SPIDR: variants seen among roughly 807,000 people sequenced by gnomAD.
SPIDR encodes the protein scaffold protein involved in DNA repair.
In SPIDR, 93 loss-of-function variants were observed where a neutral mutation model predicts 104.6. The ratio of observed to expected loss-of-function variants is 0.89; its 90% CI spans 0.75 to 1.06. The LOEUF is 1.06. SPIDR is among the 50% of genes least tolerant of loss of function. The probability of loss-of-function intolerance (pLI) is 0.00; values close to 1 mark genes in which losing one functional copy is unlikely to be tolerated. For synonymous variants in SPIDR, 431 were observed against 416.9 expected (o/e 1.03, Z -0.41); for missense variants, 1,154 against 1,111.2 (o/e 1.04, Z -0.55).
chr8:47,427,663 G>A (rs922383836), intron 7 of SPIDR, among the ~76,000 whole-genome samples: 7 of 152,172 alleles, frequency 4.6e-5, no homozygotes, highest in Non-Finnish European at 7.4e-5. Context: ...GCAGGGGAAC[G>A]GGGAGGCTGG....
At chr8:47,527,917 A>C (rs949414526) in intron 8 of SPIDR, 2 of 152,158 alleles carry the variant, frequency 1.3e-5, no homozygotes, top group African/African-American at 2.4e-5. Flanking sequence ...TTTAAAAGCT[A>C]TCTACTTGGA....
chr8:47,494,551 A>G (rs1226408410), intron 8 of SPIDR, among the ~76,000 whole-genome samples: 2 of 152,194 alleles, frequency 1.3e-5, no homozygotes, highest in African/African-American at 4.8e-5. Context: ...TACAGGATTT[A>G]TAAATCACAA....
In SPIDR at chr8:47,569,890, G is replaced by A. The variant is rs376461449; in HGVS notation, c.1098-25921G>A. Among the ~76,000 whole-genome samples the A allele has an allele frequency of 3.8e-3, 584 of 152,214 alleles. 3 individuals carry two copies. The highest frequency in any genetic ancestry group is 0.022 in the South Asian group (107 of 4,810). On this transcript the variant is annotated intron_variant, in intron 8 of 19. Coordinates refer to ENST00000297423, the MANE Select transcript of SPIDR (RefSeq NM_001080394.4). The stretch of plus-strand genomic sequence containing the variant: ...AATTAAACCAATTTTATTTACAGTG[G>A]CACCAAAAGGAATAAAATACTTAGA...
intron 5 of SPIDR, among the ~76,000 whole-genome samples, chr8:47,302,742 G>A (rs1420836763): frequency 7.9e-5 from 12 of 152,176 alleles, no homozygotes; most frequent in South Asian, 6.2e-4. Flanking sequence ...TATCAGCAGC[G>A]GAGGCTGCAG....
intron 5 of SPIDR, among the ~76,000 whole-genome samples, chr8:47,338,470 G>T (rs1289224028): frequency 6.6e-6 from 1 of 152,164 alleles, no homozygotes; most frequent in Non-Finnish European, 1.5e-5. Context: ...ATGAACTGCA[G>T]CAGATATATG....
rs149119012 is a variant in SPIDR, at chr8:47,473,976, A to C, written c.1097+33434A>C. ...ACAGTAGGAGAGGTAGGTGGTGTTC[A>C]CCCAACAATAGTGCTTTCTTGCTAA... On this transcript the variant is annotated intron_variant, in intron 8 of 19. Coordinates refer to ENST00000297423, the MANE Select transcript of SPIDR (RefSeq NM_001080394.4). Among the ~76,000 whole-genome samples the C allele has an allele frequency of 4.9e-3, 752 of 152,258 alleles. 4 individuals are homozygous for C. The highest frequency in any genetic ancestry group is 0.023 in the South Asian group (109 of 4,828).
intron 11 of SPIDR, among the ~76,000 whole-genome samples, chr8:47,679,436 C>T (rs1329747197): frequency 1.4e-5 from 2 of 147,974 alleles, no homozygotes; most frequent in Non-Finnish European, 3.0e-5. Flanking sequence ...CCAGTGCTGG[C>T]CTGTGCCAGG....
chr8:47,604,181 G>A (rs567827228), intron 10 of SPIDR, among the ~76,000 whole-genome samples: 2 of 152,324 alleles, frequency 1.3e-5, no homozygotes, highest in East Asian at 3.9e-4. Context: ...TTAGTTTAGA[G>A]GGTTCAAAGA....
At chr8:47,405,285 A>G (rs1302496103) in intron 6 of SPIDR, among the ~76,000 whole-genome samples, 1 of 147,208 alleles carries the variant, frequency 6.8e-6, no homozygotes, top group Non-Finnish European at 1.5e-5. Flanking sequence ...GCACACCAAC[A>G]TGGCACGTGT....
intron 2 of SPIDR, among the ~76,000 whole-genome samples, chr8:47,283,491 A>G (rs2038221183): frequency 6.6e-6 from 1 of 152,244 alleles, no homozygotes; most frequent in Non-Finnish European, 1.5e-5. Context: ...TTATCAAAAT[A>G]TGACACAGAG....
intron 10 of SPIDR, among the ~76,000 whole-genome samples, chr8:47,645,097 A>G (rs1033322124): frequency 6.6e-6 from 1 of 152,184 alleles, no homozygotes; most frequent in Non-Finnish European, 1.5e-5. Flanking sequence ...GGTTTTCAGC[A>G]TGAGATACAT....
chr8:47,441,371 T>A (rs574072824), intron 8 of SPIDR, among the ~76,000 whole-genome samples: 1 of 152,348 alleles, frequency 6.6e-6, no homozygotes, highest in Non-Finnish European at 1.5e-5. Context: ...CATATTTCTC[T>A]TATATAAAAT....
At chr8:47,640,841 CTTTTTTTTTTTTTTTTTTTT>C (rs57405701) in intron 10 of SPIDR, among the ~76,000 whole-genome samples, 67 of 41,288 alleles carry the variant, frequency 1.6e-3, no homozygotes, top group African/African-American at 5.5e-3. Flanking sequence ...CCACACCCAG[CTTTTTTTTTTTTTTTTTTTT>C]TTTTTTTTTT....
At chr8:47,299,356 G>T (rs1194437047) in intron 5 of SPIDR, among the ~76,000 whole-genome samples, 1 of 152,062 alleles carries the variant, frequency 6.6e-6, no homozygotes, top group African/African-American at 2.4e-5. Flanking sequence ...TTGGGCTGAG[G>T]CAATGGGGTT....
intron 5 of SPIDR, among the ~76,000 whole-genome samples, chr8:47,339,350 T>C (rs1179491179): frequency 6.6e-6 from 1 of 152,180 alleles, no homozygotes; most frequent in African/African-American, 2.4e-5. Flanking sequence ...CCTAACATGC[T>C]CCTATTAAAA....
In SPIDR at chr8:47,566,246, T is replaced by A. The variant is rs577472891; in HGVS notation, c.1098-29565T>A. On this transcript the variant is annotated intron_variant, in intron 8 of 19. Coordinates refer to ENST00000297423, the MANE Select transcript of SPIDR (RefSeq NM_001080394.4). ...GTCTTGAATTCCCGACCTCAGGTGATCTGCCCGCCTCAGCCTCCCAAAGTG... is the reference window on the plus strand; with the variant it reads ...GTCTTGAATTCCCGACCTCAGGTGAACTGCCCGCCTCAGCCTCCCAAAGTG... Among the ~76,000 whole-genome samples the A allele has an allele frequency of 6.6e-5, 10 of 151,890 alleles. No individual in the cohort carries two copies. The East Asian group carries it at 1.9e-3, about 30-fold the overall frequency.
Position 47,616,258 on chromosome 8 carries a change from A to C in SPIDR, c.1544+17062A>C, listed in dbSNP as rs560306316. ...TTGTTTTGTTCCTGATCTTGGGGAG[A>C]GCTCTCATTCTTTCACCATTGAGTG... On this transcript the variant is annotated intron_variant, in intron 10 of 19. Coordinates refer to ENST00000297423, the MANE Select transcript of SPIDR (RefSeq NM_001080394.4). 4.6e-5 allele frequency among the ~76,000 whole-genome samples: 7 copies of C among 152,150 alleles called. No individual in the cohort carries two copies. In the South Asian group the frequency reaches 1.5e-3, roughly 32 times the overall value.
chr8:47,522,177 A>T (rs2084252495), intron 8 of SPIDR, among the ~76,000 whole-genome samples: 1 of 151,564 alleles, frequency 6.6e-6, no homozygotes, highest in Non-Finnish European at 1.5e-5. Flanking sequence ...TGTCTCAAAA[A>T]AAAAAAAAAA....
intron 10 of SPIDR, among the ~76,000 whole-genome samples, chr8:47,623,664 G>A (rs2065505543): frequency 6.6e-6 from 1 of 152,120 alleles, no homozygotes; most frequent in African/African-American, 2.4e-5. Context: ...ATGGTAAAGG[G>A]ATCAATTAAA....
Sources: gnomAD v4.1 joint callset for allele counts (sites outside exome capture counted in the v4.1 genomes callset) on GRCh38, gnomAD v4.1.1 for gene constraint, MANE v1.5 for transcripts, NCBI Gene and HGNC (gene_info 2026-07-23, HGNC 2026-07-21) for gene names.